AIM2: variants seen among roughly 807,000 people sequenced by gnomAD.
AIM2 encodes the protein interferon-inducible protein AIM2.
A neutral mutation model predicts 27.7 loss-of-function variants in AIM2; 30 were observed. The observed-to-expected ratio is 1.08, with a 90% confidence interval of 0.81 to 1.47. The LOEUF is 1.47. Ranked by LOEUF, AIM2 falls within the 40% of genes most tolerant of loss-of-function variation. The pLI, the probability that AIM2 is intolerant of heterozygous loss-of-function variation, is 0.00. For synonymous variants in AIM2, 141 were observed against 145.3 expected (o/e 0.97, Z 0.21); for missense variants, 358 against 411.3 (o/e 0.87, Z 1.12).
At chr1:159,101,384 A>G (rs1025550652) in intron 1 of AIM2, among the ~76,000 whole-genome samples, 1 of 151,986 alleles carries the variant, frequency 6.6e-6, no homozygotes, top group Non-Finnish European at 1.5e-5. Context: ...AGTCAATTAA[A>G]CCTCTTTTCT....
At chr1:159,070,489 A>G (rs536737083) in intron 2 of AIM2, among the ~76,000 whole-genome samples, 1 of 152,344 alleles carries the variant, frequency 6.6e-6, no homozygotes, top group South Asian at 2.1e-4. Context: ...TTTTAAAAAG[A>G]CCATGTAACA....
At chr1:159,086,066 G>T (rs1013779511) in intron 1 of AIM2, among the ~76,000 whole-genome samples, 1 of 152,090 alleles carries the variant, frequency 6.6e-6, no homozygotes, top group Non-Finnish European at 1.5e-5. Flanking sequence ...GAGTGTGAGG[G>T]GAAAGAAGGA....
chr1:159,115,751 C>T (rs1204180842), intron 1 of AIM2, among the ~76,000 whole-genome samples: 1 of 152,142 alleles, frequency 6.6e-6, no homozygotes, highest in Non-Finnish European at 1.5e-5. Context: ...CTAGGCAATA[C>T]CATTCAGGAC....
At chr1:159,123,725 G>A (rs1647605026) in intron 1 of AIM2, 1 of 152,118 alleles carries the variant, frequency 6.6e-6, no homozygotes, top group African/African-American at 2.4e-5. Context: ...ACAACAAGCG[G>A]GTGTTTCACA....
At chr1:159,137,996 T>C (rs775025834) in intron 1 of AIM2, among the ~76,000 whole-genome samples, 8 of 152,226 alleles carry the variant, frequency 5.3e-5, no homozygotes, top group African/African-American at 9.6e-5. Flanking sequence ...ATTTATGTAC[T>C]AAAATGTATA....
upstream of AIM2, among the ~76,000 whole-genome samples, chr1:159,145,178 G>C (rs1050540682): frequency 1.3e-5 from 2 of 152,110 alleles, no homozygotes; most frequent in Non-Finnish European, 2.9e-5. Context: ...CAGGCCTATA[G>C]AGTGAGACCT....
chr1:159,060,903 A>G (rs55940565), downstream of AIM2, among the ~76,000 whole-genome samples: 5,363 of 152,316 alleles, frequency 0.035, 108 homozygotes, highest in Non-Finnish European at 0.046. Flanking sequence ...AGTGGATAAA[A>G]AACTTACAGC....
upstream of AIM2, among the ~76,000 whole-genome samples, chr1:159,077,638 G>A (rs146104877): frequency 1.3e-5 from 2 of 152,174 alleles, no homozygotes; most frequent in East Asian, 1.9e-4. Context: ...CTTTTTGACC[G>A]CATTTTTATT....
At chr1:159,105,558 G>A (rs1000359619) in intron 1 of AIM2, among the ~76,000 whole-genome samples, 1 of 152,146 alleles carries the variant, frequency 6.6e-6, no homozygotes, top group Non-Finnish European at 1.5e-5. Flanking sequence ...ATTGAGTAAC[G>A]GAACATCTTT....
downstream of AIM2, among the ~76,000 whole-genome samples, chr1:159,060,369 A>G (rs1479070591): frequency 6.6e-6 from 1 of 152,230 alleles, no homozygotes; most frequent in Non-Finnish European, 1.5e-5. Context: ...TCAGAATATC[A>G]AAAACATCCA....
intron 1 of AIM2, among the ~76,000 whole-genome samples, chr1:159,112,374 C>A (rs1312818455): frequency 6.6e-6 from 1 of 152,068 alleles, no homozygotes; most frequent in African/African-American, 2.4e-5. Context: ...GGCACCAAAG[C>A]AATATAACAA....
intron 4 of AIM2, 72 bp from the exon 5 acceptor site, chr1:159,063,746 A>G: frequency 1.4e-6 from 2 of 1,432,982 alleles, no homozygotes; most frequent in Admixed American, 2.0e-5. Context: ...CACATCAGAC[A>G]TGCCAGAAGA....
At chr1:159,132,434 T>G (rs1426392684) in intron 1 of AIM2, 1 of 152,064 alleles carries the variant, frequency 6.6e-6, no homozygotes, top group Non-Finnish European at 1.5e-5. Context: ...TATTTAGAGT[T>G]TGCATTGGAA....
chr1:159,111,110 C>A (rs1052027759), intron 1 of AIM2, among the ~76,000 whole-genome samples: 1 of 152,038 alleles, frequency 6.6e-6, no homozygotes, highest in Non-Finnish European at 1.5e-5. Flanking sequence ...GACAAAACCA[C>A]CCTAGTTAAA....
chr1:159,102,365 A>G (rs1010717875), intron 1 of AIM2, among the ~76,000 whole-genome samples: 2 of 152,234 alleles, frequency 1.3e-5, no homozygotes, highest in South Asian at 2.1e-4. Context: ...GCCCTCATGG[A>G]GAACCTCTGC....
intron 1 of AIM2, among the ~76,000 whole-genome samples, chr1:159,086,742 C>T (rs936448811): frequency 2.0e-5 from 3 of 152,184 alleles, no homozygotes; most frequent in Non-Finnish European, 2.9e-5. Context: ...CCTGTGTGGC[C>T]TTGAGTAAGT....
chr1:159,110,435 C>A (rs1047614618), intron 1 of AIM2, among the ~76,000 whole-genome samples: 3 of 152,150 alleles, frequency 2.0e-5, no homozygotes, highest in African/African-American at 4.8e-5. Context: ...TTAAAAAATT[C>A]TTTTATATTA....
intron 1 of AIM2, among the ~76,000 whole-genome samples, chr1:159,108,679 A>T (rs191914930): frequency 2.0e-5 from 3 of 152,324 alleles, no homozygotes; most frequent in Non-Finnish European, 2.9e-5. Context: ...GAACTGATGA[A>T]ATAATTCAGC....
rs5778107 is a variant in AIM2 at position 159,099,006 on chromosome 1, A to AT, written c.-15-32678dup. Among the ~76,000 whole-genome samples, 1,333 of 147,778 alleles carry AT rather than the reference A, an allele frequency of 9.0e-3. 24 individuals carry two copies. Among genetic ancestry groups the AT allele is most frequent in the African/African-American group, 0.031 (1,255 of 40,532 alleles). On this transcript the variant is annotated intron_variant, in intron 1 of 2. Coordinates refer to the AIM2 transcript ENST00000368129. ...GTGGCACAAGCTTCATGGTTGTGTG[A>AT]TTTTTTTTTTTTTTCCATCAGTGCT...
Sources: gnomAD v4.1 joint callset for allele counts (sites outside exome capture counted in the v4.1 genomes callset) on GRCh38, gnomAD v4.1.1 for gene constraint, MANE v1.5 for transcripts, NCBI Gene and HGNC (gene_info 2026-07-23, HGNC 2026-07-21) for gene names.